KIRREL3: variants seen among roughly 807,000 people sequenced by gnomAD.
The protein encoded by KIRREL3 is kirre like nephrin family adhesion molecule 3.
Under a neutral mutation model 89.7 loss-of-function variants are expected in KIRREL3, and 36 were observed. The ratio of observed to expected loss-of-function variants is 0.40; its 90% CI spans 0.31 to 0.53. The LOEUF (loss-of-function observed/expected upper bound fraction) is 0.53. Ranked by LOEUF, KIRREL3 falls within the 20% of genes least tolerant of loss-of-function variation. The pLI is 0.49. For synonymous variants in KIRREL3, 445 were observed against 441.4 expected (o/e 1.01, Z -0.10); for missense variants, 864 against 1,056.6 (o/e 0.82, Z 2.53).
At chr11:126,448,839 A>C (rs1955922451) in intron 8 of KIRREL3, among the ~76,000 whole-genome samples, 170 bp downstream of exon 8, 1 of 152,226 alleles carries the variant, frequency 6.6e-6, no homozygotes, top group South Asian at 2.1e-4. Context: ...AGGGATTGAA[A>C]TAAACATGAA....
In KIRREL3 at chr11:126,843,197, T is replaced by C. The variant is rs1944022256; in HGVS notation, c.55+157258A>G. On this transcript the variant is annotated intron_variant, in intron 1 of 16. Coordinates refer to ENST00000525144, the MANE Select transcript of KIRREL3 (RefSeq NM_032531.4). This position sits in a 1 kb window ranked among gnomAD's most constrained non-coding sequence, Gnocchi z 4.6. ...CTCTCTGGGAGGAAGATACGGTCTC[T>C]GAGCAAGACAAAAACAAGAAAAAAA... is the stretch of plus-strand genomic sequence containing the variant. Among the ~76,000 whole-genome samples, 1 of 152,156 alleles carries C rather than the reference T, an allele frequency of 6.6e-6. No homozygotes were observed. The highest frequency in any genetic ancestry group is 2.1e-4 in the South Asian group (1 of 4,826).
rs185846701 is a variant in KIRREL3 at position 126,461,573 on chromosome 11, C to G, written c.742+1584G>C. On this transcript the variant is annotated intron_variant, in intron 6 of 16. Coordinates refer to ENST00000525144, the MANE Select transcript of KIRREL3 (RefSeq NM_032531.4). ...GGTGGCAAGACAGTGAAGATAAAGT[C>G]CCCCCCGCCCCAAGAACTCAGCCTT... Among the ~76,000 whole-genome samples the G allele has an allele frequency of 4.0e-5, 6 of 151,798 alleles. No homozygotes were observed. The South Asian group carries it at 8.3e-4, about 21-fold the overall frequency.
chr11:126,821,911 A>G (rs1349279729), intron 1 of KIRREL3, among the ~76,000 whole-genome samples: 1 of 152,220 alleles, frequency 6.6e-6, no homozygotes, highest in African/African-American at 2.4e-5. Flanking sequence ...TAGAGTTTCC[A>G]GAAGGAACAC....
At chr11:126,439,547 T>G (rs1030456608) in intron 11 of KIRREL3, among the ~76,000 whole-genome samples, 1 of 150,058 alleles carries the variant, frequency 6.7e-6, no homozygotes, top group Non-Finnish European at 1.5e-5. Context: ...CTGGGCATGG[T>G]GGCTCACGCC....
At chr11:126,514,685 A>G (rs1034257240) in intron 4 of KIRREL3, among the ~76,000 whole-genome samples, 2 of 152,264 alleles carry the variant, frequency 1.3e-5, no homozygotes, top group African/African-American at 4.8e-5. Flanking sequence ...CATTTTACAC[A>G]GAAAGAAACA....
At chr11:126,927,380 C>T (rs986660875) in intron 1 of KIRREL3, among the ~76,000 whole-genome samples, 2 of 152,196 alleles carry the variant, frequency 1.3e-5, no homozygotes, top group Admixed American at 6.5e-5. Context: ...ATGTGTCTTA[C>T]CCAGTTATAT....
intron 6 of KIRREL3, among the ~76,000 whole-genome samples, chr11:126,457,561 G>C (rs1956413330): frequency 6.6e-6 from 1 of 151,920 alleles, no homozygotes; most frequent in Non-Finnish European, 1.5e-5. Flanking sequence ...AGATGAGGAA[G>C]TGACAGGGAC....
At chr11:126,458,059 G>T (rs1956431456) in intron 6 of KIRREL3, among the ~76,000 whole-genome samples, 2 of 152,148 alleles carry the variant, frequency 1.3e-5, no homozygotes, top group African/African-American at 2.4e-5. Flanking sequence ...AGGGATGGGG[G>T]ATAACGAGCC....
chr11:126,789,832 G>T (rs1259672328), intron 1 of KIRREL3, among the ~76,000 whole-genome samples: 1 of 152,048 alleles, frequency 6.6e-6, no homozygotes, highest in Admixed American at 6.5e-5. Context: ...CCTAAATATG[G>T]AATCCCGTCC....
intron 1 of KIRREL3, among the ~76,000 whole-genome samples, chr11:126,695,794 T>G (rs1201134490): frequency 6.6e-6 from 1 of 152,192 alleles, no homozygotes; most frequent in Non-Finnish European, 1.5e-5. Flanking sequence ...CTGAAGAATC[T>G]TCCTTTTCCC....
intron 1 of KIRREL3, among the ~76,000 whole-genome samples, chr11:126,743,350 T>G (rs187903057): frequency 1.1e-3 from 174 of 152,286 alleles, no homozygotes; most frequent in Non-Finnish European, 2.0e-3. Context: ...CCTGGAATGT[T>G]TGTTAACCTA....
intron 1 of KIRREL3, among the ~76,000 whole-genome samples, chr11:126,926,606 C>T (rs1024550286): frequency 1.1e-4 from 17 of 151,746 alleles, no homozygotes; most frequent in African/African-American, 2.7e-4. Context: ...CTTCCTGCCC[C>T]GGTGACTTGC....
intron 1 of KIRREL3, among the ~76,000 whole-genome samples, chr11:126,968,822 G>T (rs560813322): frequency 8.0e-4 from 121 of 152,190 alleles, no homozygotes; most frequent in African/African-American, 2.8e-3. Context: ...AAGGGGCAGG[G>T]GCAGTAGATG....
In KIRREL3 at chr11:126,642,831, C is replaced by T. The variant is rs1025765508; in HGVS notation, c.56-79919G>A. Among the ~76,000 whole-genome samples, 12 of 152,176 alleles carry T rather than the reference C, an allele frequency of 7.9e-5. No individual in the cohort carries two copies. The highest frequency in any genetic ancestry group is 2.9e-4 in the African/African-American group (12 of 41,434). ...TGTATGTGCAAAATTCTGAACTGTA[C>T]ATCCAGTTGAACAAAGTAAACATTT... is the stretch of plus-strand genomic sequence containing the variant. On this transcript the variant is annotated intron_variant, in intron 1 of 16. Coordinates refer to ENST00000525144, the MANE Select transcript of KIRREL3 (RefSeq NM_032531.4). The surrounding 1 kb of genome is among the most constrained non-coding windows in gnomAD (Gnocchi z 4.9).
intron 1 of KIRREL3, among the ~76,000 whole-genome samples, chr11:126,951,001 C>A (rs1948759195): frequency 6.6e-6 from 1 of 152,152 alleles, no homozygotes; most frequent in Admixed American, 6.5e-5. Context: ...AGAAAAAAAA[C>A]AGTTTCTGGA....
chr11:126,817,632 CT>C lies in KIRREL3; in HGVS notation c.55+182822del, dbSNP rs1951617741. On this transcript the variant is annotated intron_variant, in intron 1 of 16. Coordinates refer to ENST00000525144, the MANE Select transcript of KIRREL3 (RefSeq NM_032531.4). The surrounding 1 kb of genome is among the most constrained non-coding windows in gnomAD (Gnocchi z 5.7). ...CAGCCTATGTGGCTGCAAAATGACA[CT>C]TGTAAAATGACATGCAGAAGAGCAA... Among the ~76,000 whole-genome samples the C allele has an allele frequency of 6.6e-6, 1 of 152,184 alleles. No individual in the cohort carries two copies. Among genetic ancestry groups the C allele is most frequent in the Non-Finnish European group, 1.5e-5 (1 of 68,026 alleles).
At position 126,694,853 on chromosome 11, in the gene KIRREL3, A is replaced by G. The variant is rs1365054771; in HGVS notation, c.56-131941T>C. ...GTGGCTGGAATGGGGACTGGAAGAG[A>G]CAGGTAAGTCCCCAACCTATCTTCA... On this transcript the variant is annotated intron_variant, in intron 1 of 16. Coordinates refer to ENST00000525144, the MANE Select transcript of KIRREL3 (RefSeq NM_032531.4). The surrounding 1 kb of genome is among the most constrained non-coding windows in gnomAD (Gnocchi z 4.4). 6.6e-6 allele frequency among the ~76,000 whole-genome samples: 1 copy of G among 152,204 alleles called. No homozygotes were observed. The highest frequency in any genetic ancestry group is 6.5e-5 in the Admixed American group (1 of 15,288).
At chr11:126,821,516 T>C (rs978533219) in intron 1 of KIRREL3, among the ~76,000 whole-genome samples, 3 of 151,658 alleles carry the variant, frequency 2.0e-5, no homozygotes, top group African/African-American at 7.3e-5. Context: ...AGCTCCCTCA[T>C]TTATAAAAGG....
At chr11:126,678,043 A>G (rs554131426) in intron 1 of KIRREL3, among the ~76,000 whole-genome samples, 128 of 152,278 alleles carry the variant, frequency 8.4e-4, no homozygotes, top group Non-Finnish European at 1.4e-3. Flanking sequence ...TCATCTCATT[A>G]TAAAGGATAA....
Sources: allele counts gnomAD v4.1 joint callset (sites outside exome capture counted in the v4.1 genomes callset), GRCh38; gene constraint gnomAD v4.1.1; non-coding constraint Gnocchi (gnomAD v3.1); transcripts MANE v1.5; gene names NCBI Gene and HGNC (gene_info 2026-07-23, HGNC 2026-07-21).